Variants in RAB31 observed in about 807,000 individuals in gnomAD.
The protein encoded by RAB31 is ras-related protein Rab-31.
RAB31 carries 21 observed loss-of-function variants against 25.6 expected under a neutral mutation model. That is an observed-to-expected ratio of 0.82 (90% CI 0.58 to 1.18). RAB31 has a LOEUF of 1.18. Ranked by LOEUF, RAB31 falls within the 50% of genes most tolerant of loss-of-function variation. The pLI is 0.00. For synonymous variants in RAB31, 87 were observed against 84.0 expected, an observed-to-expected ratio of 1.04 and a Z score of -0.20; for missense variants, 196 against 250.1, an observed-to-expected ratio of 0.78 and a Z score of 1.46.
At chr18:9,829,655 T>C (rs2068667661) in intron 5 of RAB31, among the ~76,000 whole-genome samples, 1 of 152,248 alleles carries the variant, frequency 6.6e-6, no homozygotes, top group Non-Finnish European at 1.5e-5. Context: ...GCCAATCGTG[T>C]GTGAGACTTC....
chr18:9,785,832 G>A (rs1007205402), intron 2 of RAB31, among the ~76,000 whole-genome samples: 7 of 152,198 alleles, frequency 4.6e-5, no homozygotes, highest in African/African-American at 1.7e-4. Flanking sequence ...AGGCCGAGGT[G>A]GGTGGATCAT....
rs2067998484 is a variant in RAB31, at chr18:9,708,586, G to A, written c.39+142G>A. ...TAGCCCCCGTCCCCCTCGTCCGCGCGCCCCCTGGTTCCCCGGGTCCCCCTG... is the reference window on the plus strand; with the variant it reads ...TAGCCCCCGTCCCCCTCGTCCGCGCACCCCCTGGTTCCCCGGGTCCCCCTG... On this transcript the variant is annotated intron_variant, in intron 1 of 6. Coordinates refer to ENST00000578921, the MANE Select transcript of RAB31 (RefSeq NM_006868.4). The surrounding 1 kb of genome is among the most constrained non-coding windows in gnomAD (Gnocchi z 6.4). 1 of 671,234 alleles carries A rather than the reference G, an allele frequency of 1.5e-6. No individual in the cohort carries two copies. Among genetic ancestry groups the A allele is most frequent in the Non-Finnish European group, 2.2e-6 (1 of 446,472 alleles). 41.6% of individuals were successfully genotyped at this position (671,234 alleles called of 1,614,324 possible). A position where few individuals can be genotyped will look rare whatever the true frequency, so the allele number is the denominator to read the frequency against.
chr18:9,762,900 C>T (rs2068296544), intron 1 of RAB31, among the ~76,000 whole-genome samples: 1 of 152,080 alleles, frequency 6.6e-6, no homozygotes, highest in Non-Finnish European at 1.5e-5. Flanking sequence ...AACTCAGCAA[C>T]AGGAGTTTCC....
chr18:9,744,247 C>T (rs1359854433), intron 1 of RAB31, among the ~76,000 whole-genome samples: 1 of 152,102 alleles, frequency 6.6e-6, no homozygotes, highest in Non-Finnish European at 1.5e-5. Context: ...TTCATACCTC[C>T]GTAAGTTGTA....
At chr18:9,843,846 C>A (rs1047184591) in intron 5 of RAB31, among the ~76,000 whole-genome samples, 1 of 152,152 alleles carries the variant, frequency 6.6e-6, no homozygotes, top group Non-Finnish European at 1.5e-5. Context: ...CCTAGTCAGG[C>A]GCTTTTCCAG....
rs146370169 is a variant in RAB31, at chr18:9,795,637, C to T, written c.201+3402C>T. On this transcript the variant is annotated intron_variant, in intron 3 of 6. Coordinates refer to ENST00000578921, the MANE Select transcript of RAB31 (RefSeq NM_006868.4). ...TGGCCAATGATCATGAAAAAATGCTCAACATCACTAATTATCAGGGAAATG... is the reference window on the plus strand; with the variant it reads ...TGGCCAATGATCATGAAAAAATGCTTAACATCACTAATTATCAGGGAAATG... 8.9e-3 allele frequency among the ~76,000 whole-genome samples: 1,358 copies of T among 152,236 alleles called. 18 individuals are homozygous for T. Among genetic ancestry groups the T allele is most frequent in the African/African-American group, 0.031 (1,277 of 41,506 alleles).
chr18:9,741,085 G>A (rs2068176253), intron 1 of RAB31, among the ~76,000 whole-genome samples: 1 of 151,928 alleles, frequency 6.6e-6, no homozygotes, highest in East Asian at 1.9e-4. Flanking sequence ...GTAATAGGCA[G>A]CCACTCTAGG....
At chr18:9,794,867 C>A (rs1369827928) in intron 3 of RAB31, among the ~76,000 whole-genome samples, 1 of 151,910 alleles carries the variant, frequency 6.6e-6, no homozygotes, top group African/African-American at 2.4e-5. Context: ...TACCATCATT[C>A]TTCACAGAAC....
intron 1 of RAB31, among the ~76,000 whole-genome samples, chr18:9,753,331 A>G (rs1049105225): frequency 2.6e-5 from 4 of 152,186 alleles, no homozygotes; most frequent in Admixed American, 6.5e-5. Flanking sequence ...AATGGGATTA[A>G]TGGGTTATCA....
chr18:9,709,654 G>A (rs2068006359), intron 1 of RAB31, among the ~76,000 whole-genome samples: 1 of 152,186 alleles, frequency 6.6e-6, no homozygotes, highest in Non-Finnish European at 1.5e-5. Flanking sequence ...CGATTGTCCG[G>A]TTGGCTTAGA....
At chr18:9,834,402 C>A (rs1438786478) in intron 5 of RAB31, among the ~76,000 whole-genome samples, 1 of 152,196 alleles carries the variant, frequency 6.6e-6, no homozygotes, top group African/African-American at 2.4e-5. Flanking sequence ...AGGCTTGAGC[C>A]ACTGTGCCCA....
chr18:9,747,673 T>G (rs928943850), intron 1 of RAB31, among the ~76,000 whole-genome samples: 3 of 152,166 alleles, frequency 2.0e-5, no homozygotes, highest in African/African-American at 7.2e-5. Flanking sequence ...ACATGGAGAT[T>G]AAGTAGATAT....
At chr18:9,765,546 A>G (rs1330318442) in intron 1 of RAB31, among the ~76,000 whole-genome samples, 1 of 152,224 alleles carries the variant, frequency 6.6e-6, no homozygotes, top group East Asian at 1.9e-4. Flanking sequence ...TGTAAAAATC[A>G]GACCTTTTTC....
chr18:9,718,754 C>T (rs2068056747), intron 1 of RAB31, among the ~76,000 whole-genome samples: 1 of 152,072 alleles, frequency 6.6e-6, no homozygotes, highest in African/African-American at 2.4e-5. Context: ...GGTGAGGGCT[C>T]TCTAAGGGGT....
intron 6 of RAB31, among the ~76,000 whole-genome samples, chr18:9,851,452 A>G (rs963352165): frequency 6.6e-6 from 1 of 152,188 alleles, no homozygotes; most frequent in African/African-American, 2.4e-5. Context: ...TCATTAATGC[A>G]CCCTTGATCC....
At chr18:9,786,029 C>T (rs556932296) in intron 2 of RAB31, among the ~76,000 whole-genome samples, 10 of 141,298 alleles carry the variant, frequency 7.1e-5, no homozygotes, top group South Asian at 4.6e-4. Flanking sequence ...CTAGCGTGGG[C>T]GACAGAGTCA....
chr18:9,837,664 C>T (rs1368041642), intron 5 of RAB31, among the ~76,000 whole-genome samples: 3 of 152,186 alleles, frequency 2.0e-5, no homozygotes, highest in South Asian at 2.1e-4. Flanking sequence ...AACATGTACA[C>T]GAATGTCATG....
At position 9,728,097 on chromosome 18, in the gene RAB31, AT is replaced by A. The variant is rs2068104335; in HGVS notation, c.39+19659del. ...TACTAATGTCTTCTATTTCTTGTGT[AT>A]TTTTTAAGCTATGGTCTATGCATAT... On this transcript the variant is annotated intron_variant, in intron 1 of 6. Coordinates refer to ENST00000578921, the MANE Select transcript of RAB31 (RefSeq NM_006868.4). 2.0e-5 allele frequency among the ~76,000 whole-genome samples: 3 copies of A among 152,304 alleles called. No homozygotes were observed. The South Asian group carries it at 6.2e-4, about 32-fold the overall frequency.
intron 1 of RAB31, among the ~76,000 whole-genome samples, chr18:9,713,231 G>A (rs1425864720): frequency 6.6e-6 from 1 of 152,206 alleles, no homozygotes; most frequent in Admixed American, 6.5e-5. Flanking sequence ...GCTAGGTAAT[G>A]ATCACATTTG....
Sources: allele counts gnomAD v4.1 joint callset (sites outside exome capture counted in the v4.1 genomes callset), GRCh38; gene constraint gnomAD v4.1.1; non-coding constraint Gnocchi (gnomAD v3.1); transcripts MANE v1.5; gene names NCBI Gene and HGNC (gene_info 2026-07-23, HGNC 2026-07-21).